Variants in RASSF3 observed in about 807,000 individuals in gnomAD.
The protein encoded by RASSF3 is ras association domain-containing protein 3.
Under a neutral mutation model 19.9 loss-of-function variants are expected in RASSF3, and 19 were observed. That is an observed-to-expected ratio of 0.96 (90% CI 0.67 to 1.40). The LOEUF (loss-of-function observed/expected upper bound fraction) is 1.40. Among genes scored for constraint, RASSF3 ranks in the 40% most tolerant of loss-of-function variants. RASSF3 has a pLI of 0.00. For missense variants in RASSF3, 306 were observed against 289.8 expected (o/e 1.06, Z -0.41); for synonymous variants, 110 against 104.2 (o/e 1.06, Z -0.34).
chr12:64,527,673 G>A (rs899388889), intron 1 of RASSF3, among the ~76,000 whole-genome samples: 2 of 152,236 alleles, frequency 1.3e-5, no homozygotes, highest in African/African-American at 2.4e-5. Context: ...GGTGGCTCAT[G>A]CCTGTAATCC....
chr12:64,542,288 A>T (rs1868946904), downstream of RASSF3, among the ~76,000 whole-genome samples: 1 of 152,204 alleles, frequency 6.6e-6, no homozygotes, highest in Non-Finnish European at 1.5e-5. Flanking sequence ...AGATTCTGCC[A>T]CTGTACTCCA....
chr12:64,610,922 G>T (rs945223303), intron 1 of RASSF3, among the ~76,000 whole-genome samples, 179 bp downstream of exon 1: 8 of 152,280 alleles, frequency 5.3e-5, no homozygotes, highest in Admixed American at 2.6e-4. Flanking sequence ...CCTGGAGCTT[G>T]TGCGTGTAGG....
At chr12:64,513,115 T>C (rs1868338260) in intron 1 of RASSF3, among the ~76,000 whole-genome samples, 2 of 151,812 alleles carry the variant, frequency 1.3e-5, no homozygotes, top group African/African-American at 4.8e-5. Flanking sequence ...ATATAACACA[T>C]TGGACAAGCA....
At chr12:64,557,469 A>C (rs929480728) in intron 2 of RASSF3, among the ~76,000 whole-genome samples, 1 of 152,086 alleles carries the variant, frequency 6.6e-6, no homozygotes, top group Non-Finnish European at 1.5e-5. Flanking sequence ...GTCTCACAGG[A>C]GTTCATAGTA....
Position 64,541,067 on chromosome 12 carries a change from C to T in RASSF3, c.68-514C>T, listed in dbSNP as rs538309384. Among the ~76,000 whole-genome samples, 4 of 145,838 alleles carry T rather than the reference C, an allele frequency of 2.7e-5. No individual in the cohort carries two copies. The South Asian group carries it at 7.5e-4, about 27-fold the overall frequency. On this transcript the variant is annotated intron_variant, in intron 1 of 1. Transcript: ENST00000636333. Reference sequence around the variant, plus strand: ...AGCACTTTGGGATTACACTTGGGAACCTCCACCTCCCAGGTTCAAGGGATT... The same window carrying T: ...AGCACTTTGGGATTACACTTGGGAATCTCCACCTCCCAGGTTCAAGGGATT...
intron 2 of RASSF3, among the ~76,000 whole-genome samples, chr12:64,574,311 A>T (rs1869564245): frequency 7.3e-6 from 1 of 137,564 alleles, no homozygotes; most frequent in Admixed American, 7.3e-5. Flanking sequence ...ACTCTGTCTT[A>T]AAAAAAAAAA....
intron 1 of RASSF3, among the ~76,000 whole-genome samples, chr12:64,662,083 T>A (rs1475634382): frequency 1.3e-5 from 2 of 150,976 alleles, no homozygotes; most frequent in African/African-American, 4.9e-5. Context: ...GAAAAAAAAA[T>A]CCCTGCCTTT....
intron 1 of RASSF3, among the ~76,000 whole-genome samples, chr12:64,615,353 G>A (rs1371373176): frequency 6.6e-6 from 1 of 152,178 alleles, no homozygotes; most frequent in Non-Finnish European, 1.5e-5. Context: ...TGCTTTAGAA[G>A]TAGGGTAGTC....
chr12:64,619,895 G>A (rs971521927), intron 1 of RASSF3, among the ~76,000 whole-genome samples: 1 of 151,530 alleles, frequency 6.6e-6, no homozygotes, highest in African/African-American at 2.4e-5. Context: ...CAGGAGAATC[G>A]CTTGAACCTG....
chr12:64,574,881 G>A (rs1869571905), intron 2 of RASSF3, among the ~76,000 whole-genome samples: 1 of 152,112 alleles, frequency 6.6e-6, no homozygotes, highest in South Asian at 2.1e-4. Context: ...ATATATCACT[G>A]GCTTTGTGGT....
At chr12:64,568,715 C>CT (rs35680868) in intron 2 of RASSF3, among the ~76,000 whole-genome samples, 23,397 of 146,150 alleles carry the variant, frequency 0.16, 2,202 homozygotes, top group African/African-American at 0.27. Context: ...TCTGAGTTCA[C>CT]TTTTTTTTTT....
chr12:64,636,257 A>G (rs1046307291), intron 1 of RASSF3, among the ~76,000 whole-genome samples: 25 of 151,826 alleles, frequency 1.6e-4, no homozygotes, highest in Non-Finnish European at 1.9e-4. Context: ...TCCCATTGCA[A>G]GCATGCACCA....
intron 2 of RASSF3, among the ~76,000 whole-genome samples, chr12:64,560,904 A>C (rs1326094106): frequency 6.6e-6 from 1 of 152,252 alleles, no homozygotes; most frequent in Non-Finnish European, 1.5e-5. Context: ...CTGCAGTCAC[A>C]AAAGCTGCTC....
At chr12:64,557,515 C>T (rs868650944) in intron 2 of RASSF3, among the ~76,000 whole-genome samples, 3 of 152,160 alleles carry the variant, frequency 2.0e-5, no homozygotes, top group Middle Eastern at 3.4e-3. Context: ...TTCAGTGTTC[C>T]CTGGCAAAAG....
intron 1 of RASSF3, among the ~76,000 whole-genome samples, chr12:64,641,427 C>T (rs904732771): frequency 1.3e-5 from 2 of 150,840 alleles, no homozygotes; most frequent in African/African-American, 2.5e-5. Flanking sequence ...CGCGCGCGCG[C>T]GTTGAAAACA....
chr12:64,684,435 G>GTTTGT (rs1555216511), intron 1 of RASSF3, among the ~76,000 whole-genome samples: 6 of 131,204 alleles, frequency 4.6e-5, no homozygotes, highest in South Asian at 2.4e-4. Context: ...TTGTTTGTTT[G>GTTTGT]TTTTTTTTTT....
Position 64,696,897 on chromosome 12 carries a change from G to C in RASSF3, c.*1985G>C, listed in dbSNP as rs963994149. ...TCAGGGAATGCCTTCGTGATTTTTT[G>C]TACTGGTTTTATTATTCAGACTATG... On this transcript the variant is annotated 3_prime_UTR_variant, in exon 5 of 5. Coordinates refer to ENST00000542104, the MANE Select transcript of RASSF3 (RefSeq NM_178169.4). The C allele has an allele frequency of 2.6e-5, 4 of 152,030 alleles. No homozygotes were observed. The highest frequency in any genetic ancestry group is 5.9e-5 in the Non-Finnish European group (4 of 67,974). The allele number at this position is 152,030 out of a possible 1,614,324, so 9.4% of individuals were successfully genotyped here.
At chr12:64,587,777 C>T (rs1002408839) in intron 2 of RASSF3, among the ~76,000 whole-genome samples, 1 of 152,052 alleles carries the variant, frequency 6.6e-6, no homozygotes, top group African/African-American at 2.4e-5. Context: ...CCACTTCCAG[C>T]GAGTAACTGT....
intron 2 of RASSF3, among the ~76,000 whole-genome samples, chr12:64,602,579 CAA>C (rs1287291683): frequency 8.2e-6 from 1 of 121,790 alleles, no homozygotes; most frequent in Non-Finnish European, 1.7e-5. Flanking sequence ...GACTCCATCT[CAA>C]AAAAAAAAGA....
Sources: allele counts gnomAD v4.1 joint callset (sites outside exome capture counted in the v4.1 genomes callset), GRCh38; gene constraint gnomAD v4.1.1; transcripts MANE v1.5; gene names NCBI Gene and HGNC (gene_info 2026-07-23, HGNC 2026-07-21).